Variants in IQCM observed in about 807,000 individuals in gnomAD.
IQCM encodes the protein IQ domain-containing protein M.
IQCM carries 45 observed loss-of-function variants against 57.6 expected under a neutral mutation model. The observed-to-expected ratio is 0.78, with a 90% CI of 0.62 to 1.00. The LOEUF (loss-of-function observed/expected upper bound fraction) is 1.00. Among genes scored for constraint, IQCM ranks in the 50% least tolerant of loss-of-function variants. The pLI is 0.00. For synonymous variants in IQCM, 148 were observed against 158.9 expected (o/e 0.93, Z 0.51); for missense variants, 468 against 511.6 (o/e 0.91, Z 0.82).
intron 7 of IQCM, among the ~76,000 whole-genome samples, chr4:149,673,810 C>G (rs987063411): frequency 6.6e-6 from 1 of 152,120 alleles, no homozygotes; most frequent in African/African-American, 2.4e-5. Flanking sequence ...CCCAAATCAA[C>G]AGAATATACA....
chr4:149,679,234 A>T (rs1225662669), intron 7 of IQCM, among the ~76,000 whole-genome samples: 1 of 151,686 alleles, frequency 6.6e-6, no homozygotes, highest in East Asian at 1.9e-4. Context: ...TTGTGACAAC[A>T]TGGAGGGAAC....
chr4:149,494,444 C>A (rs1054388640), intron 12 of IQCM, among the ~76,000 whole-genome samples: 1 of 152,030 alleles, frequency 6.6e-6, no homozygotes, highest in Non-Finnish European at 1.5e-5. Flanking sequence ...TGAGATTGTA[C>A]TTTTAATGCC....
intron 12 of IQCM, among the ~76,000 whole-genome samples, chr4:149,523,337 G>A (rs1745848016): frequency 6.6e-6 from 1 of 151,770 alleles, no homozygotes; most frequent in South Asian, 2.1e-4. Flanking sequence ...AAAAGCATCA[G>A]ACAAAGTATT....
At chr4:149,549,993 T>C (rs531850609) in intron 11 of IQCM, among the ~76,000 whole-genome samples, 4 of 152,366 alleles carry the variant, frequency 2.6e-5, no homozygotes, top group African/African-American at 9.6e-5. Context: ...ATAAGCAAAC[T>C]AGAGCAGTTT....
intron 13 of IQCM, among the ~76,000 whole-genome samples, chr4:149,373,080 C>A (rs1017829098): frequency 6.6e-5 from 10 of 152,222 alleles, no homozygotes; most frequent in Middle Eastern, 3.4e-3. Flanking sequence ...GTTGACTAGA[C>A]TGATATTGTG....
intron 8 of IQCM, among the ~76,000 whole-genome samples, chr4:149,618,720 A>C (rs1756018183): frequency 6.6e-6 from 1 of 152,232 alleles, no homozygotes; most frequent in Admixed American, 6.5e-5. Context: ...AGCAGCCAAC[A>C]AACATATGAA....
intron 7 of IQCM, among the ~76,000 whole-genome samples, chr4:149,675,994 A>G (rs573346487): frequency 6.6e-6 from 1 of 152,060 alleles, no homozygotes; most frequent in Non-Finnish European, 1.5e-5. Context: ...GTAGAGCATT[A>G]TTAGCTTTTT....
At chr4:149,771,191 C>T (rs1770540047) in intron 2 of IQCM, among the ~76,000 whole-genome samples, 1 of 151,954 alleles carries the variant, frequency 6.6e-6, no homozygotes, top group Non-Finnish European at 1.5e-5. Flanking sequence ...ATCTATGAAA[C>T]AGAATATCAT....
At chr4:149,631,546 A>G (rs1757264557) in intron 7 of IQCM, among the ~76,000 whole-genome samples, 1 of 152,258 alleles carries the variant, frequency 6.6e-6, no homozygotes. Flanking sequence ...ATTTTACATT[A>G]TAACTGTATT....
chr4:149,498,919 T>G (rs952167231), intron 12 of IQCM, among the ~76,000 whole-genome samples: 4 of 152,042 alleles, frequency 2.6e-5, no homozygotes, highest in Non-Finnish European at 4.4e-5. Context: ...TATAAAAAAG[T>G]TAGATATTTG....
rs573346487 is a variant in IQCM, at chr4:149,675,994, A to T, written c.565+6124T>A. ...AGAGTTGGTTATTATGTAGAGCATT[A>T]TTAGCTTTTTTTCTTTTGAAAAAGT... is the stretch of plus-strand genomic sequence containing the variant. On this transcript the variant is annotated intron_variant, in intron 7 of 13. Transcript: ENST00000636793. Among the ~76,000 whole-genome samples the T allele has an allele frequency of 9.9e-5, 15 of 152,178 alleles. No homozygotes were observed. In the South Asian group the frequency reaches 3.1e-3, roughly 32 times the overall value.
At chr4:149,404,064 T>C (rs1188258867) in intron 13 of IQCM, among the ~76,000 whole-genome samples, 1 of 151,910 alleles carries the variant, frequency 6.6e-6, no homozygotes, top group African/African-American at 2.4e-5. Flanking sequence ...TCAAGCAAAA[T>C]GGATAAAAAG....
intron 8 of IQCM, among the ~76,000 whole-genome samples, chr4:149,615,834 A>G (rs1755744925): frequency 6.6e-6 from 1 of 152,168 alleles, no homozygotes; most frequent in Admixed American, 6.5e-5. Flanking sequence ...CTCCTCTTTT[A>G]ACAAGGCAGG....
At chr4:149,606,855 G>C (rs1754828271) in intron 8 of IQCM, among the ~76,000 whole-genome samples, 1 of 151,866 alleles carries the variant, frequency 6.6e-6, no homozygotes, top group South Asian at 2.1e-4. Context: ...CTATTTCAAA[G>C]TACACAAAAG....
chr4:149,590,317 G>A (rs1186012780), intron 8 of IQCM, among the ~76,000 whole-genome samples: 4 of 140,664 alleles, frequency 2.8e-5, no homozygotes, highest in African/African-American at 1.1e-4. Context: ...AAGGGGTCTG[G>A]TGTTTTTCTA....
intron 12 of IQCM, among the ~76,000 whole-genome samples, chr4:149,449,176 C>T (rs893530266): frequency 7.3e-6 from 1 of 137,670 alleles, no homozygotes; most frequent in African/African-American, 2.6e-5. Context: ...CTGTTCCCCC[C>T]CAACCCGCCA....
chr4:149,389,588 C>T (rs1731696455), intron 13 of IQCM, among the ~76,000 whole-genome samples: 1 of 151,574 alleles, frequency 6.6e-6, no homozygotes, highest in Non-Finnish European at 1.5e-5. Context: ...AATCATCATT[C>T]TCAGTAAACT....
chr4:149,375,683 G>A (rs1004782867), intron 13 of IQCM, among the ~76,000 whole-genome samples: 1 of 151,972 alleles, frequency 6.6e-6, no homozygotes, highest in Non-Finnish European at 1.5e-5. Context: ...CTATTTTCTT[G>A]CTGCTGTTTT....
chr4:149,578,250 A>C (rs1751848359), intron 9 of IQCM, among the ~76,000 whole-genome samples: 1 of 151,684 alleles, frequency 6.6e-6, no homozygotes, highest in Admixed American at 6.6e-5. Context: ...AGACTCCTAG[A>C]TTCTGATTTT....
Sources: gnomAD v4.1 joint callset for allele counts (sites outside exome capture counted in the v4.1 genomes callset) on GRCh38, gnomAD v4.1.1 for gene constraint, MANE v1.5 for transcripts, NCBI Gene and HGNC (gene_info 2026-07-23, HGNC 2026-07-21) for gene names.